Variants in PACRG observed in about 807,000 individuals in gnomAD.
PACRG encodes the protein parkin coregulated gene protein.
In PACRG, 29 loss-of-function variants were observed where a neutral mutation model predicts 29.7. The ratio of observed to expected loss-of-function variants is 0.98; its 90% CI spans 0.73 to 1.33. The LOEUF (loss-of-function observed/expected upper bound fraction) is 1.33, where lower values mean the gene tolerates loss of function less well. PACRG is among the 40% of genes most tolerant of loss of function. The pLI is 0.00. For missense variants in PACRG, 279 were observed against 316.2 expected, an observed-to-expected ratio of 0.88 and a Z score of 0.89; for synonymous variants, 116 against 118.7, an observed-to-expected ratio of 0.98 and a Z score of 0.15.
chr6:162,941,585 A>G (rs1425503293), intron 2 of PACRG, among the ~76,000 whole-genome samples: 1 of 152,082 alleles, frequency 6.6e-6, no homozygotes, highest in Non-Finnish European at 1.5e-5. Context: ...TTTTACTGTC[A>G]TTGTTGCTGT....
chr6:162,852,012 G>GAAGGAAGGA lies in PACRG; in HGVS notation c.291+37733_291+37741dup, dbSNP rs200567620. Among the ~76,000 whole-genome samples the GAAGGAAGGA allele has an allele frequency of 5.4e-3, 716 of 131,448 alleles. 10 individuals are homozygous for GAAGGAAGGA. Among genetic ancestry groups the GAAGGAAGGA allele is most frequent in the African/African-American group, 0.018 (677 of 38,424 alleles). The allele number at this position is 131,448 out of a possible 152,430, so 86.2% of individuals were successfully genotyped here. On this transcript the variant is annotated intron_variant, in intron 2 of 4. Transcript: ENST00000366888. ...GGGAGGGAGGGAGGGAGGGAGGAAG[G>GAAGGAAGGA]AAGGAAGGAAGGAAGGAAGGAAGGA...
intron 4 of PACRG, among the ~76,000 whole-genome samples, chr6:163,137,387 C>T (rs553295414): frequency 9.1e-4 from 139 of 152,166 alleles, no homozygotes; most frequent in South Asian, 2.1e-3. Context: ...CTTGCCAGTC[C>T]TCGGCATCGT....
chr6:163,072,125 C>A (rs1812118953), intron 3 of PACRG, among the ~76,000 whole-genome samples: 2 of 150,820 alleles, frequency 1.3e-5, no homozygotes, highest in Non-Finnish European at 3.0e-5. Context: ...CAGACAAAGA[C>A]ACATTAAAAC....
intron 4 of PACRG, among the ~76,000 whole-genome samples, chr6:163,118,596 A>G (rs1816125647): frequency 6.6e-6 from 1 of 152,244 alleles, no homozygotes; most frequent in East Asian, 1.9e-4. Flanking sequence ...CTAACTTAGT[A>G]AAGAACTCTT....
At chr6:162,970,859 C>T (rs1360868521) in intron 2 of PACRG, among the ~76,000 whole-genome samples, 1 of 152,180 alleles carries the variant, frequency 6.6e-6, no homozygotes, top group Non-Finnish European at 1.5e-5. Flanking sequence ...ACCTGAGCCA[C>T]GTATCCTGAC....
At chr6:163,281,082 G>A (rs1031675208) in intron 4 of PACRG, among the ~76,000 whole-genome samples, 6 of 152,072 alleles carry the variant, frequency 3.9e-5, no homozygotes, top group African/African-American at 1.4e-4. Flanking sequence ...GAGATGGGGG[G>A]ATGCTCCAGG....
At chr6:163,226,912 C>T (rs947784562) in intron 4 of PACRG, among the ~76,000 whole-genome samples, 3 of 152,084 alleles carry the variant, frequency 2.0e-5, no homozygotes, top group African/African-American at 7.2e-5. Flanking sequence ...GTAAACTGAT[C>T]CTTTGTAGTT....
chr6:163,218,876 A>C (rs1221785755), intron 4 of PACRG, among the ~76,000 whole-genome samples: 1 of 152,222 alleles, frequency 6.6e-6, no homozygotes, highest in Non-Finnish European at 1.5e-5. Context: ...ACAATGTCTG[A>C]AGACACTTTT....
chr6:163,313,708 C>G lies in PACRG; in HGVS notation c.614-1119C>G, dbSNP rs1785530606. 3 of 152,240 alleles carry G rather than the reference C, an allele frequency of 2.0e-5. No homozygotes were observed. The South Asian group carries it at 6.2e-4, about 32-fold the overall frequency. 9.4% of individuals were successfully genotyped at this position (152,240 alleles called of 1,614,324 possible). On this transcript the variant is annotated intron_variant, in intron 4 of 4. Coordinates refer to ENST00000366888, the MANE Select transcript of PACRG (RefSeq NM_001080379.2). ...TGAAGGTCCCTGGCCCCATGGCACT[C>G]TCTAGGCCTGAGCTGTCACCCTCAT... is the stretch of plus-strand genomic sequence containing the variant.
intron 2 of PACRG, among the ~76,000 whole-genome samples, chr6:162,826,928 C>T (rs1461733652): frequency 6.6e-6 from 1 of 152,100 alleles, no homozygotes; most frequent in South Asian, 2.1e-4. Context: ...AGTTGCATAA[C>T]ATTTTACTAA....
At chr6:162,844,071 C>A (rs1450041518) in intron 2 of PACRG, among the ~76,000 whole-genome samples, 1 of 141,226 alleles carries the variant, frequency 7.1e-6, no homozygotes, top group Admixed American at 7.1e-5. Flanking sequence ...GCCCTGCCCC[C>A]AGAGGTGGAG....
intron 1 of PACRG, among the ~76,000 whole-genome samples, chr6:162,736,680 G>A (rs1780190427): frequency 6.7e-6 from 1 of 150,060 alleles, no homozygotes; most frequent in South Asian, 2.1e-4. Context: ...TAATTATGTT[G>A]TAAGTTCTAT....
chr6:163,144,247 AAAG>A (rs970067225), intron 4 of PACRG, among the ~76,000 whole-genome samples: 3 of 151,142 alleles, frequency 2.0e-5, no homozygotes, highest in African/African-American at 7.3e-5. Context: ...AAAAAAAAAA[AAAG>A]GGAAAAGTAG....
intron 4 of PACRG, among the ~76,000 whole-genome samples, chr6:163,311,514 C>T (rs4709700): frequency 1 from 151,977 of 152,338 alleles, 75,810 homozygotes; most frequent in Middle Eastern, 1. Context: ...AATTTCAGGC[C>T]CTCAAAAAAC....
At chr6:162,844,304 G>A (rs377566644) in intron 2 of PACRG, among the ~76,000 whole-genome samples, 3 of 152,160 alleles carry the variant, frequency 2.0e-5, no homozygotes, top group Non-Finnish European at 2.9e-5. Flanking sequence ...CTCATGGTGC[G>A]CCGTTTTTTA....
intron 2 of PACRG, among the ~76,000 whole-genome samples, chr6:163,049,267 A>G (rs1459192648): frequency 6.6e-6 from 1 of 152,116 alleles, no homozygotes; most frequent in Non-Finnish European, 1.5e-5. Flanking sequence ...CAATAAATAC[A>G]ATAGGACAAC....
At chr6:163,076,942 C>A (rs2498496) in intron 3 of PACRG, among the ~76,000 whole-genome samples, 4,568 of 152,280 alleles carry the variant, frequency 0.03, 151 homozygotes, top group Admixed American at 0.089. Flanking sequence ...ATCCCCACAG[C>A]ATCTAATGTC....
intron 2 of PACRG, among the ~76,000 whole-genome samples, chr6:162,899,822 G>A (rs1311993657): frequency 6.6e-6 from 1 of 152,146 alleles, no homozygotes; most frequent in Non-Finnish European, 1.5e-5. Context: ...TACGTTTATT[G>A]AGGTATTTAC....
intron 2 of PACRG, among the ~76,000 whole-genome samples, chr6:162,825,607 G>T (rs570649748): frequency 6.6e-6 from 1 of 152,104 alleles, no homozygotes; most frequent in Admixed American, 6.5e-5. Flanking sequence ...TCACTTTATG[G>T]TTTCTCTTAC....
Sources: gnomAD v4.1 joint callset for allele counts (sites outside exome capture counted in the v4.1 genomes callset) on GRCh38, gnomAD v4.1.1 for gene constraint, MANE v1.5 for transcripts, NCBI Gene and HGNC (gene_info 2026-07-23, HGNC 2026-07-21) for gene names.